Variants in SPIRE2 observed in about 807,000 individuals in gnomAD.
The protein encoded by SPIRE2 is spire type actin nucleation factor 2.
SPIRE2 carries 76 observed loss-of-function variants against 80.7 expected under a neutral mutation model. That is an observed-to-expected ratio of 0.94 (90% CI 0.78 to 1.14). SPIRE2 has a LOEUF of 1.14. Among genes scored for constraint, SPIRE2 ranks in the 50% most tolerant of loss-of-function variants. The pLI is 0.00. For synonymous variants in SPIRE2, 535 were observed against 432.6 expected (o/e 1.24, Z -2.94); for missense variants, 1,196 against 1,015.3 (o/e 1.18, Z -2.42).
intron 3 of SPIRE2, among the ~76,000 whole-genome samples, chr16:89,853,715 G>A (rs191925308): frequency 2.0e-5 from 3 of 152,066 alleles, no homozygotes; most frequent in East Asian, 1.9e-4. Context: ...GAGATCGTGC[G>A]TGACGGAGGC....
chr16:89,829,377 C>A (rs189432775), intron 1 of SPIRE2, among the ~76,000 whole-genome samples: 108 of 152,326 alleles, frequency 7.1e-4, no homozygotes, highest in African/African-American at 2.1e-3. Context: ...TAGAAAGATA[C>A]TTGAAGTTAG....
chr16:89,835,834 GTC>G lies in SPIRE2; in HGVS notation c.244+7046_244+7047del, dbSNP rs1423043828. Reference sequence around the variant, plus strand: ...AAGACCCCTTCATTCCAGCGCGTGTGTCTCTCTGGGACTGAGGAGCGGGAGGA... The same window carrying G: ...AAGACCCCTTCATTCCAGCGCGTGTGTCTCTGGGACTGAGGAGCGGGAGGA... On this transcript the variant is annotated intron_variant, in intron 1 of 14. Transcript: ENST00000378247. Among the ~76,000 whole-genome samples the G allele has an allele frequency of 1.1e-4, 17 of 152,282 alleles. 1 individual carries two copies. In the South Asian group the frequency reaches 3.5e-3, roughly 32 times the overall value.
rs998846333 is a variant in SPIRE2 at position 89,831,350 on chromosome 16, G to C, written c.244+2556G>C. Among the ~76,000 whole-genome samples the C allele has an allele frequency of 1.3e-5, 2 of 148,774 alleles. 1 individual carries two copies. Among genetic ancestry groups the C allele is most frequent in the Non-Finnish European group, 3.0e-5 (2 of 66,432 alleles). On this transcript the variant is annotated intron_variant, in intron 1 of 14. Coordinates refer to ENST00000378247, the MANE Select transcript of SPIRE2 (RefSeq NM_032451.2). Reference sequence around the variant, plus strand: ...TACTTTACACGTGACCCTATTTTTTGAATGTTTTTTCTTGTCAACTTTGGA... The same window carrying C: ...TACTTTACACGTGACCCTATTTTTTCAATGTTTTTTCTTGTCAACTTTGGA...
chr16:89,849,862 G>A (rs1462330868), intron 2 of SPIRE2: 3 of 255,910 alleles, frequency 1.2e-5, no homozygotes, highest in Non-Finnish European at 2.3e-5. Flanking sequence ...TTTTGAGACA[G>A]AGTCTTGCTT....
At chr16:89,861,105 G>A (rs2041740568) in intron 10 of SPIRE2, among the ~76,000 whole-genome samples, 1 of 152,176 alleles carries the variant, frequency 6.6e-6, no homozygotes, top group African/African-American at 2.4e-5. Flanking sequence ...TGTGCCTGGA[G>A]GTCAGTGTGA....
At chr16:89,838,251 C>T (rs1236798749) in intron 1 of SPIRE2, among the ~76,000 whole-genome samples, 1 of 147,770 alleles carries the variant, frequency 6.8e-6, no homozygotes, top group Non-Finnish European at 1.5e-5. Flanking sequence ...GGTGCAATCT[C>T]AGCTCACTGC....
chr16:89,855,946 C>T, intron 6 of SPIRE2, 167 bp from the exon 7 acceptor site: 1 of 1,281,504 alleles, frequency 7.8e-7, no homozygotes, highest in South Asian at 1.5e-5. Flanking sequence ...CCCAGAGCCC[C>T]CTGGGAGCAG....
Position 89,860,713 on chromosome 16 carries a change from G to T in SPIRE2, c.1493G>T (p.Ser498Ile). 1 of 1,592,212 alleles carries T rather than the reference G, an allele frequency of 6.3e-7. No homozygotes were observed. The highest frequency in any genetic ancestry group is 1.7e-4 in the Middle Eastern group (1 of 6,016). Residue 498 changes from serine (S) to isoleucine (I), a missense_variant, in exon 10 of 15, where the codon AGC becomes ATC. Transcript: ENST00000378247. ...GTCPASVSDPSHPLLSNRGSS... is the reference protein window; with the variant it reads ...GTCPASVSDPIHPLLSNRGSS... The stretch of plus-strand genomic sequence containing the variant: ...TGTCCCGCGAGTGTCTCTGACCCCA[G>T]CCACCCCCTACTCAGCAACCGGGGC...
intron 3 of SPIRE2, 77 bp from the exon 4 acceptor site, chr16:89,854,209 G>T: frequency 7.3e-7 from 1 of 1,366,746 alleles, no homozygotes. Flanking sequence ...ACGTGGTCGT[G>T]TCCCTGACGG....
rs771706822 is a variant in SPIRE2, at chr16:89,828,716, G to A, written c.166G>A (p.Gly56Ser). Reference sequence around the variant, plus strand: ...CTGCCGCGGGCTGCGGGGCTCGCCGGGCCGGCGCCTGCGGGATACCGGGGA... The same window carrying A: ...CTGCCGCGGGCTGCGGGGCTCGCCGAGCCGGCGCCTGCGGGATACCGGGGA... The part of the protein sequence containing the change: ...QGCRGLRGSP[G>S]RRLRDTGDLL... The change falls in exon 1 of 15, where the codon GGC becomes AGC. Residue 56 changes from glycine to serine, a missense_variant. Physicochemically the swap from Gly to Ser is moderately conservative, Grantham distance 56. Transcript: ENST00000378247. This position sits in a 1 kb window ranked among gnomAD's most constrained non-coding sequence, Gnocchi z 5.9. 2 of 1,262,992 alleles carry A rather than the reference G, an allele frequency of 1.6e-6. No homozygotes were observed. The highest frequency in any genetic ancestry group is 1.5e-5 in the African/African-American group (1 of 64,778). The allele number at this position is 1,262,992 out of a possible 1,614,324, so 78.2% of individuals were successfully genotyped here.
intron 3 of SPIRE2, among the ~76,000 whole-genome samples, chr16:89,852,095 C>T (rs1212628419): frequency 6.7e-5 from 6 of 89,876 alleles, no homozygotes; most frequent in East Asian, 8.7e-4. Flanking sequence ...TTCCATCCTC[C>T]CCCCACCCAC....
In SPIRE2 at chr16:89,868,279, A is replaced by AT. The variant is rs2041807325; in HGVS notation, c.1806+65dup. The AT allele has an allele frequency of 6.5e-6, 10 of 1,544,694 alleles. No homozygotes were observed. In the South Asian group the frequency reaches 1.0e-4, roughly 16 times the overall value. On this transcript the variant is annotated intron_variant, in intron 13 of 14. Coordinates refer to ENST00000378247, the MANE Select transcript of SPIRE2 (RefSeq NM_032451.2). ...CAGATGAGGGGCTCCACTGGCTTTG[A>AT]TTGGATGTGTTGGATGATGCTGCCT...
chr16:89,869,505 A>T (rs1325741534), intron 13 of SPIRE2, 62 bp from the exon 14 acceptor site: 1 of 1,163,644 alleles, frequency 8.6e-7, no homozygotes, highest in Non-Finnish European at 1.3e-6. Context: ...GTCCCCTAGC[A>T]CTGAGTGTAC....
chr16:89,842,164 C>T (rs940241154), intron 1 of SPIRE2, among the ~76,000 whole-genome samples: 4 of 151,134 alleles, frequency 2.6e-5, no homozygotes, highest in African/African-American at 4.9e-5. Flanking sequence ...CAGAGACACC[C>T]CAAGTCTTTG....
chr16:89,842,772 C>A (rs2041517085), intron 1 of SPIRE2, among the ~76,000 whole-genome samples: 1 of 152,222 alleles, frequency 6.6e-6, no homozygotes, highest in South Asian at 2.1e-4. Flanking sequence ...CCAATCACAG[C>A]TGCAAACGTG....
At chr16:89,848,145 C>T (rs545490937) in intron 2 of SPIRE2, among the ~76,000 whole-genome samples, 3 of 152,244 alleles carry the variant, frequency 2.0e-5, no homozygotes, top group Non-Finnish European at 4.4e-5. Context: ...CTCTTCCAGT[C>T]GGCTTCCTCA....
At chr16:89,838,162 G>A (rs1246149260) in intron 1 of SPIRE2, among the ~76,000 whole-genome samples, 3 of 131,518 alleles carry the variant, frequency 2.3e-5, no homozygotes, top group Non-Finnish European at 4.7e-5. Context: ...ACCACGCTCA[G>A]CATTTTTTTT....
Position 89,863,356 on chromosome 16 carries a change from T to G in SPIRE2, c.1576-120T>G. 1.8e-6 allele frequency: 2 copies of G among 1,094,658 alleles called. No individual in the cohort carries two copies. The highest frequency in any genetic ancestry group is 2.6e-6 in the Non-Finnish European group (2 of 768,940). The allele number at this position is 1,094,658 out of a possible 1,614,324, so 67.8% of individuals were successfully genotyped here. On this transcript the variant is annotated intron_variant, in intron 10 of 14. Transcript: ENST00000378247. This position sits in a 1 kb window ranked among gnomAD's most constrained non-coding sequence, Gnocchi z 4.3. ...TGGACAAGATGGCTGATGGACAGCG[T>G]TTTAGAAGGTCGCAGGCTTGTTTAG...
rs2041760862 is a variant in SPIRE2, at chr16:89,863,376, G to A, written c.1576-100G>A. ...CAGCGTTTTAGAAGGTCGCAGGCTT[G>A]TTTAGGCTGAGGCCAGGGAGGGTTA... On this transcript the variant is annotated intron_variant, in intron 10 of 14. Transcript: ENST00000378247. This position sits in a 1 kb window ranked among gnomAD's most constrained non-coding sequence, Gnocchi z 4.3. 1 of 1,399,604 alleles carries A rather than the reference G, an allele frequency of 7.1e-7. No homozygotes were observed. The highest frequency in any genetic ancestry group is 9.8e-7 in the Non-Finnish European group (1 of 1,019,428). The allele number at this position is 1,399,604 out of a possible 1,614,324, so 86.7% of individuals were successfully genotyped here.
Sources: allele counts gnomAD v4.1 joint callset (sites outside exome capture counted in the v4.1 genomes callset), GRCh38; gene constraint gnomAD v4.1.1; non-coding constraint Gnocchi (gnomAD v3.1); transcripts MANE v1.5; gene names NCBI Gene and HGNC (gene_info 2026-07-23, HGNC 2026-07-21).